The following AGAP1 variants were observed in gnomAD, a reference collection of about 807,000 sequenced individuals.
The protein encoded by AGAP1 is ArfGAP with GTPase domain, ankyrin repeat and PH domain 1, also known as arf-GAP with GTPase, ANK repeat and PH domain-containing protein 1.
Under a neutral mutation model 105.3 loss-of-function variants are expected in AGAP1, and 29 were observed. The observed-to-expected ratio is 0.28, with a 90% CI of 0.21 to 0.38. AGAP1 has a LOEUF of 0.38. Among genes scored for constraint, AGAP1 ranks in the 10% least tolerant of loss-of-function variants. The pLI, the probability that AGAP1 is intolerant of heterozygous loss-of-function variation, is 1.00. For missense variants in AGAP1, 998 were observed against 1,165.1 expected (o/e 0.86, Z 2.09); for synonymous variants, 509 against 485.9 (o/e 1.05, Z -0.63).
rs567745158 is a variant in AGAP1 at position 235,691,098 on chromosome 2, T to C, written c.164-18081T>C. Among the ~76,000 whole-genome samples, 1 of 152,298 alleles carries C rather than the reference T, an allele frequency of 6.6e-6. No homozygotes were observed. Among genetic ancestry groups the C allele is most frequent in the African/African-American group, 2.4e-5 (1 of 41,578 alleles). ...AGATTCTACCCCCTCCTCCAGACTC[T>C]GCTCCCTAGGCCGAGGTGAGGCCAG... is the stretch of plus-strand genomic sequence containing the variant. On this transcript the variant is annotated intron_variant, in intron 1 of 17. Transcript: ENST00000304032. The surrounding 1 kb of genome is among the most constrained non-coding windows in gnomAD (Gnocchi z 4.4).
At position 235,620,666 on chromosome 2, in the gene AGAP1, T is replaced by A. The variant is rs1946448162; in HGVS notation, c.164-88513T>A. Among the ~76,000 whole-genome samples the A allele has an allele frequency of 6.6e-6, 1 of 152,068 alleles. No homozygotes were observed. The highest frequency in any genetic ancestry group is 2.4e-5 in the African/African-American group (1 of 41,410). On this transcript the variant is annotated intron_variant, in intron 1 of 17. Coordinates refer to ENST00000304032, the MANE Select transcript of AGAP1 (RefSeq NM_001037131.3). This position sits in a 1 kb window ranked among gnomAD's most constrained non-coding sequence, Gnocchi z 4.5. Reference sequence around the variant, plus strand: ...TTCCTATTTCCCCATAAACCCCAGCTCCCTGACATGTCTGGTGTCTCTCTC... The same window carrying A: ...TTCCTATTTCCCCATAAACCCCAGCACCCTGACATGTCTGGTGTCTCTCTC...
At chr2:235,693,130 G>C (rs532756531) in intron 1 of AGAP1, among the ~76,000 whole-genome samples, 43 of 152,316 alleles carry the variant, frequency 2.8e-4, no homozygotes, top group African/African-American at 9.9e-4. Context: ...TCTGGAAGGA[G>C]AGCATGTGCA....
Position 235,621,663 on chromosome 2 carries a change from G to T in AGAP1, c.164-87516G>T, listed in dbSNP as rs1946485755. On this transcript the variant is annotated intron_variant, in intron 1 of 17. Coordinates refer to ENST00000304032, the MANE Select transcript of AGAP1 (RefSeq NM_001037131.3). The surrounding 1 kb of genome is among the most constrained non-coding windows in gnomAD (Gnocchi z 4.1). ...TTCTGGTCTCTCCAACACAAGGGTTGGTCATTCCCTGTGCCCATTGTTCAT... is the reference window on the plus strand; with the variant it reads ...TTCTGGTCTCTCCAACACAAGGGTTTGTCATTCCCTGTGCCCATTGTTCAT... Among the ~76,000 whole-genome samples the T allele has an allele frequency of 6.6e-6, 1 of 152,190 alleles. No homozygotes were observed. Among genetic ancestry groups the T allele is most frequent in the Admixed American group, 6.5e-5 (1 of 15,280 alleles).
rs191922072 is a variant in AGAP1, at chr2:235,754,078, C to T, written c.673+3590C>T. On this transcript the variant is annotated intron_variant, in intron 6 of 17. Coordinates refer to ENST00000304032, the MANE Select transcript of AGAP1 (RefSeq NM_001037131.3). This position sits in a 1 kb window ranked among gnomAD's most constrained non-coding sequence, Gnocchi z 4.6. The stretch of plus-strand genomic sequence containing the variant: ...GCTCAGAGAAATGACATAGCTTGAC[C>T]CAAAGGGACACAGCCTGGACTGGAT... 9.1e-4 allele frequency among the ~76,000 whole-genome samples: 139 copies of T among 152,156 alleles called. No homozygotes were observed. The highest frequency in any genetic ancestry group is 3.4e-3 in the Middle Eastern group (1 of 294).
Position 235,882,621 on chromosome 2 carries a change from G to T in AGAP1, c.1051-724G>T. ...TGGGATTATAGGTGCCCACCACTGC[G>T]TCCAGCTAATTTTTGTATTTTTAGT... On this transcript the variant is annotated intron_variant, in intron 9 of 17. Coordinates refer to ENST00000304032, the MANE Select transcript of AGAP1 (RefSeq NM_001037131.3). The surrounding 1 kb of genome is among the most constrained non-coding windows in gnomAD (Gnocchi z 4.6). The T allele has an allele frequency of 2.6e-6, 1 of 387,350 alleles. No individual in the cohort carries two copies. Among genetic ancestry groups the T allele is most frequent in the Non-Finnish European group, 4.9e-6 (1 of 205,814 alleles). 24.0% of individuals were successfully genotyped at this position (387,350 alleles called of 1,614,324 possible). A position where few individuals can be genotyped will look rare whatever the true frequency, so the allele number is the denominator to read the frequency against.
intron 11 of AGAP1, among the ~76,000 whole-genome samples, chr2:235,909,970 A>G (rs2051498024): frequency 6.6e-6 from 1 of 152,032 alleles, no homozygotes; most frequent in Non-Finnish European, 1.5e-5. Context: ...GCAGTGAGCC[A>G]TGATTGCGCC....
intron 12 of AGAP1, among the ~76,000 whole-genome samples, chr2:235,956,510 A>T (rs1159155978): frequency 6.6e-6 from 1 of 152,038 alleles, no homozygotes; most frequent in African/African-American, 2.4e-5. Context: ...GCCCTCTGGC[A>T]TGAAAAAAAA....
rs1199819071 is a variant in AGAP1, at chr2:235,824,855, G to A, written c.1050+17524G>A. 1.3e-5 allele frequency among the ~76,000 whole-genome samples: 2 copies of A among 152,140 alleles called. No individual in the cohort carries two copies. Among genetic ancestry groups the A allele is most frequent in the Non-Finnish European group, 2.9e-5 (2 of 68,038 alleles). Reference sequence around the variant, plus strand: ...CATCAAGGTAACCGGTGCATTCACGGGTTTGGATAATTTCAGGAAAAGGAA... The same window carrying A: ...CATCAAGGTAACCGGTGCATTCACGAGTTTGGATAATTTCAGGAAAAGGAA... On this transcript the variant is annotated intron_variant, in intron 9 of 17. Coordinates refer to ENST00000304032, the MANE Select transcript of AGAP1 (RefSeq NM_001037131.3). The surrounding 1 kb of genome is among the most constrained non-coding windows in gnomAD (Gnocchi z 5.2).
At chr2:236,112,208 T>G (rs530801141) in intron 16 of AGAP1, among the ~76,000 whole-genome samples, 3 of 151,932 alleles carry the variant, frequency 2.0e-5, no homozygotes, top group Non-Finnish European at 4.4e-5. Flanking sequence ...CTGAGGTCCA[T>G]AGTTTGAGAC....
In AGAP1 at chr2:236,009,198, A is replaced by G. The variant is rs1336229958; in HGVS notation, c.1646-27363A>G. Among the ~76,000 whole-genome samples the G allele has an allele frequency of 6.6e-6, 1 of 152,240 alleles. No homozygotes were observed. ...AAAAAAAGAAATCCACTGCCTTTTT[A>G]TAAGAGAACAGAACATTTACACCGT... On this transcript the variant is annotated intron_variant, in intron 13 of 17. Transcript: ENST00000304032. This position sits in a 1 kb window ranked among gnomAD's most constrained non-coding sequence, Gnocchi z 4.2.
In AGAP1 at chr2:236,058,629, G is replaced by T. The variant is rs2058108637; in HGVS notation, c.2114+9348G>T. Among the ~76,000 whole-genome samples, 1 of 152,130 alleles carries T rather than the reference G, an allele frequency of 6.6e-6. No homozygotes were observed. The highest frequency in any genetic ancestry group is 6.5e-5 in the Admixed American group (1 of 15,270). On this transcript the variant is annotated intron_variant, in intron 16 of 17. Coordinates refer to ENST00000304032, the MANE Select transcript of AGAP1 (RefSeq NM_001037131.3). This position sits in a 1 kb window ranked among gnomAD's most constrained non-coding sequence, Gnocchi z 4.6. ...ACCCACAGCTAACATTGTACTTTAT[G>T]GTGAAATACTGCAGGCTTTTCCCCT...
chr2:235,707,769 G>A (rs1471415975), intron 1 of AGAP1, among the ~76,000 whole-genome samples: 1 of 150,364 alleles, frequency 6.7e-6, no homozygotes, highest in African/African-American at 2.5e-5. Context: ...GTGACATGGT[G>A]GGATGTGCTC....
chr2:235,503,243 G>A (rs956434605), intron 1 of AGAP1, among the ~76,000 whole-genome samples: 5 of 152,292 alleles, frequency 3.3e-5, no homozygotes, highest in South Asian at 2.1e-4. Flanking sequence ...CTGTTTGTGC[G>A]TTGAGCTGCC....
rs1176672495 is a variant in AGAP1 at position 236,040,394 on chromosome 2, T to C, written c.1801-357T>C. On this transcript the variant is annotated intron_variant, in intron 14 of 17. Transcript: ENST00000304032. This position sits in a 1 kb window ranked among gnomAD's most constrained non-coding sequence, Gnocchi z 5.6. ...CGGATTATTTCTTTCTCATTCTTCT[T>C]ACCAAGTAGACATGTGGCTACTGCC... Among the ~76,000 whole-genome samples the C allele has an allele frequency of 6.6e-6, 1 of 152,174 alleles. No individual in the cohort carries two copies. Among genetic ancestry groups the C allele is most frequent in the Non-Finnish European group, 1.5e-5 (1 of 68,028 alleles).
intron 1 of AGAP1, among the ~76,000 whole-genome samples, chr2:235,576,808 T>A (rs1176418280): frequency 6.6e-6 from 1 of 152,220 alleles, no homozygotes; most frequent in African/African-American, 2.4e-5. Flanking sequence ...CAGACCCTCT[T>A]CCCGTGACTG....
chr2:235,846,887 C>G (rs914528826), intron 9 of AGAP1, among the ~76,000 whole-genome samples: 2 of 152,184 alleles, frequency 1.3e-5, no homozygotes, highest in African/African-American at 4.8e-5. Flanking sequence ...CTTGGCCTCC[C>G]AAAGTGCTGG....
At chr2:235,671,213 C>A (rs1948403184) in intron 1 of AGAP1, among the ~76,000 whole-genome samples, 2 of 152,214 alleles carry the variant, frequency 1.3e-5, no homozygotes. Context: ...CAGCAGGGCG[C>A]AGCGGTCCTG....
chr2:236,081,443 G>A (rs996761781), intron 16 of AGAP1, among the ~76,000 whole-genome samples: 2 of 152,216 alleles, frequency 1.3e-5, no homozygotes, highest in African/African-American at 4.8e-5. Context: ...GTTAGTAGCT[G>A]CAGTGTGTCC....
At position 235,620,179 on chromosome 2, in the gene AGAP1, A is replaced by T. The variant is rs1321752345; in HGVS notation, c.164-89000A>T. ...ACAATAGAACTACTTTCCAGAAATCAGCAAATGCTGGGCTGTGCCTTCAAA... is the reference window on the plus strand; with the variant it reads ...ACAATAGAACTACTTTCCAGAAATCTGCAAATGCTGGGCTGTGCCTTCAAA... On this transcript the variant is annotated intron_variant, in intron 1 of 17. Transcript: ENST00000304032. The surrounding 1 kb of genome is among the most constrained non-coding windows in gnomAD (Gnocchi z 4.5). Among the ~76,000 whole-genome samples, 1 of 152,146 alleles carries T rather than the reference A, an allele frequency of 6.6e-6. No homozygotes were observed. Among genetic ancestry groups the T allele is most frequent in the Non-Finnish European group, 1.5e-5 (1 of 68,042 alleles).
Sources: gnomAD v4.1 joint callset for allele counts (sites outside exome capture counted in the v4.1 genomes callset) on GRCh38, gnomAD v4.1.1 for gene constraint, Gnocchi (gnomAD v3.1) non-coding constraint, MANE v1.5 for transcripts, NCBI Gene and HGNC (gene_info 2026-07-23, HGNC 2026-07-21) for gene names.